TMEM272: variants seen among roughly 807,000 people sequenced by gnomAD.
TMEM272 encodes long intergenic non-protein coding RNA 282.
TMEM272 carries 8 observed loss-of-function variants against 3.7 expected under a neutral mutation model. The observed-to-expected ratio is 2.17, with a 90% confidence interval of 1.27 to 3.91. The LOEUF is 3.91. Ranked by LOEUF, TMEM272 falls within the 30% of genes most tolerant of loss-of-function variation. TMEM272 has a pLI of 0.00. For synonymous variants in TMEM272, 63 were observed against 39.8 expected, an observed-to-expected ratio of 1.58 and a Z score of -2.20; for missense variants, 166 against 91.5, an observed-to-expected ratio of 1.81 and a Z score of -3.32.
the TMEM272 span, among the ~76,000 whole-genome samples, chr13:51,853,099 G>C: frequency 0.056 from 8,527 of 151,958 alleles, 281 homozygotes; most frequent in Middle Eastern, 0.092. Flanking sequence ...GTAAGCTGGA[G>C]AAAAGAAAAT....
At chr13:51,852,607 C>T in the TMEM272 span, among the ~76,000 whole-genome samples, 934 of 152,146 alleles carry the variant, frequency 6.1e-3, 7 homozygotes, top group African/African-American at 0.02. Flanking sequence ...CGGCCGGGCG[C>T]GGTGGCTCAA....
At chr13:51,878,733 C>T in the TMEM272 span, among the ~76,000 whole-genome samples, 1 of 152,178 alleles carries the variant, frequency 6.6e-6, no homozygotes, top group Non-Finnish European at 1.5e-5. Flanking sequence ...TTCTACACTG[C>T]TAATGAGGAA....
chr13:51,879,785 A>G, the TMEM272 span, among the ~76,000 whole-genome samples: 1,152 of 152,306 alleles, frequency 7.6e-3, 20 homozygotes, highest in African/African-American at 0.026. Flanking sequence ...GTGGGAGGAT[A>G]AGACTTAATT....
the TMEM272 span, among the ~76,000 whole-genome samples, chr13:51,852,892 A>G: frequency 7.2e-5 from 11 of 151,938 alleles, no homozygotes; most frequent in Admixed American, 2.0e-4. Context: ...AAAAAAAAAA[A>G]AAAAATACAG....
At chr13:51,923,103 T>C in the TMEM272 span, among the ~76,000 whole-genome samples, 552 of 152,320 alleles carry the variant, frequency 3.6e-3, 5 homozygotes, top group African/African-American at 0.012. Context: ...CAGAGTCCGG[T>C]GATGGCAATG....
chr13:51,861,310 C>A, the TMEM272 span, among the ~76,000 whole-genome samples: 1 of 152,056 alleles, frequency 6.6e-6, no homozygotes, highest in African/African-American at 2.4e-5. Flanking sequence ...GTTAATAACA[C>A]TGTATTAAAG....
chr13:51,911,874 T>C, the TMEM272 span, among the ~76,000 whole-genome samples: 1 of 151,922 alleles, frequency 6.6e-6, no homozygotes, highest in Admixed American at 6.6e-5. Flanking sequence ...ACCCACTCCC[T>C]CCCACTGCTC....
At chr13:51,912,794 A>G in the TMEM272 span, among the ~76,000 whole-genome samples, 4 of 152,236 alleles carry the variant, frequency 2.6e-5, no homozygotes, top group Non-Finnish European at 5.9e-5. Context: ...GTCCTGGCAC[A>G]CAGTTCACAT....
the TMEM272 span, chr13:51,865,996 T>C: frequency 6.2e-7 from 1 of 1,613,462 alleles, no homozygotes; most frequent in Non-Finnish European, 8.5e-7. Context: ...ATGGCCACAT[T>C]GCCGGAGAGC....
At chr13:51,836,428 T>C (rs1458618410) in intron 2 of TMEM272, among the ~76,000 whole-genome samples, 1 of 152,224 alleles carries the variant, frequency 6.6e-6, no homozygotes, top group African/African-American at 2.4e-5. Flanking sequence ...CCCTTTTTGT[T>C]TTGTTTTCTA....
chr13:51,897,926 CAA>C, the TMEM272 span, among the ~76,000 whole-genome samples: 1 of 98,446 alleles, frequency 1.0e-5, no homozygotes, highest in Non-Finnish European at 1.9e-5. Flanking sequence ...GACTCCATCT[CAA>C]AAAAAAAAAA....
At chr13:51,840,014 C>A (rs950319265) in intron 1 of TMEM272, among the ~76,000 whole-genome samples, 1 of 152,202 alleles carries the variant, frequency 6.6e-6, no homozygotes, top group Non-Finnish European at 1.5e-5. Flanking sequence ...CAGCGCCCTG[C>A]CAAGGTCTTC....
the TMEM272 span, among the ~76,000 whole-genome samples, chr13:51,894,832 C>T: frequency 2.4e-4 from 37 of 151,966 alleles, no homozygotes; most frequent in South Asian, 1.5e-3. Context: ...TAATATATAA[C>T]GGAATAATTC....
the TMEM272 span, chr13:51,910,149 T>G: frequency 9.6e-7 from 1 of 1,043,854 alleles, no homozygotes; most frequent in Non-Finnish European, 1.5e-6. Flanking sequence ...TTCAGAATGT[T>G]TAGATTTCTC....
intron 2 of TMEM272, among the ~76,000 whole-genome samples, 196 bp from the exon 3 acceptor site, chr13:51,826,821 G>C (rs1036335515): frequency 2.0e-5 from 3 of 152,240 alleles, no homozygotes; most frequent in African/African-American, 7.2e-5. Context: ...ACTTCTCAGA[G>C]AGCTGAACAT....
chr13:51,850,722 T>C, the TMEM272 span, among the ~76,000 whole-genome samples: 1 of 152,240 alleles, frequency 6.6e-6, no homozygotes, highest in African/African-American at 2.4e-5. Context: ...AATCTAATAC[T>C]ATACTCTTTT....
intron 2 of TMEM272, among the ~76,000 whole-genome samples, chr13:51,828,733 A>T (rs1465007238): frequency 6.6e-6 from 1 of 152,170 alleles, no homozygotes; most frequent in African/African-American, 2.4e-5. Context: ...AATATGTGTG[A>T]GCAGAGGGAG....
chr13:51,816,653 CTGTGTGTG>C lies in TMEM272; in HGVS notation c.*90_*97del, dbSNP rs111925186. On this transcript the variant is annotated 3_prime_UTR_variant, in exon 5 of 5. Coordinates refer to ENST00000629372, the MANE Select transcript of TMEM272 (RefSeq NM_001351003.2). ...ATTACCTTTATGCCCTTCTCTGAAC[CTGTGTGTG>C]TGTGTGTGTGTGTGTGCGTCTGTGT... 12 of 571,928 alleles carry C rather than the reference CTGTGTGTG, an allele frequency of 2.1e-5. No individual in the cohort carries two copies. The highest frequency in any genetic ancestry group is 8.2e-5 in the South Asian group (4 of 48,726). 35.4% of individuals were successfully genotyped at this position (571,928 alleles called of 1,614,324 possible). A position where few individuals can be genotyped will look rare whatever the true frequency, so the allele number is the denominator to read the frequency against.
At chr13:51,932,338 T>C in the TMEM272 span, 6 of 152,222 alleles carry the variant, frequency 3.9e-5, no homozygotes, top group Non-Finnish European at 7.3e-5. Context: ...GAACAGCCTT[T>C]TGCAGACACT....
Sources: allele counts gnomAD v4.1 joint callset (sites outside exome capture counted in the v4.1 genomes callset), GRCh38; gene constraint gnomAD v4.1.1; transcripts MANE v1.5; gene names NCBI Gene and HGNC (gene_info 2026-07-23, HGNC 2026-07-21).